The following IFT81 variants were observed in gnomAD, a reference collection of about 807,000 sequenced individuals.
The protein encoded by IFT81 is intraflagellar transport protein 81 homolog.
In IFT81, 72 loss-of-function variants were observed where a neutral mutation model predicts 102.6. That is an observed-to-expected ratio of 0.70 (90% confidence interval 0.58 to 0.85). The LOEUF (loss-of-function observed/expected upper bound fraction) is 0.85. IFT81 is among the 40% of genes least tolerant of loss of function. The pLI, the probability that IFT81 is intolerant of heterozygous loss-of-function variation, is 0.00. For missense variants in IFT81, 723 were observed against 787.3 expected, an observed-to-expected ratio of 0.92 and a Z score of 0.98; for synonymous variants, 237 against 242.7, an observed-to-expected ratio of 0.98 and a Z score of 0.22.
At chr12:110,191,942 G>A (rs967606195) in intron 13 of IFT81, among the ~76,000 whole-genome samples, 12 of 151,990 alleles carry the variant, frequency 7.9e-5, no homozygotes, top group Admixed American at 7.2e-4. Context: ...AGGCCGAGGC[G>A]GGAGGATCAC....
At chr12:110,135,147 G>C in intron 6 of IFT81, 134 bp downstream of exon 6, 1 of 772,354 alleles carries the variant, frequency 1.3e-6, no homozygotes, top group South Asian at 1.8e-5. Context: ...TGACGAAAAG[G>C]GAATCTCTCT....
intron 14 of IFT81, among the ~76,000 whole-genome samples, chr12:110,194,518 C>T (rs762072315): frequency 2.0e-5 from 3 of 152,012 alleles, no homozygotes; most frequent in Non-Finnish European, 4.4e-5. Flanking sequence ...AAGCAGTCCT[C>T]CCACCTCAGG....
chr12:110,159,373 T>C (rs1290439382), intron 10 of IFT81, among the ~76,000 whole-genome samples: 1 of 152,120 alleles, frequency 6.6e-6, no homozygotes, highest in Non-Finnish European at 1.5e-5. Flanking sequence ...GGTGGGCAGA[T>C]TGCTTGAGCC....
intron 18 of IFT81, 68 bp from the exon 19 acceptor site, chr12:110,217,976 C>T (rs977063797): frequency 9.5e-5 from 104 of 1,094,072 alleles, no homozygotes; most frequent in Middle Eastern, 7.9e-4. Flanking sequence ...CATATTCCTC[C>T]GACTATAGCA....
In IFT81 at chr12:110,129,143, T is replaced by C. The variant is rs769483755; in HGVS notation, c.429+13T>C. On this transcript the variant is annotated intron_variant, in intron 4 of 18. Transcript: ENST00000242591. Reference sequence around the variant, plus strand: ...CACCAATAAACAGGTAAACAATACATAAATGGTACATTGAAACTGTAATGG... The same window carrying C: ...CACCAATAAACAGGTAAACAATACACAAATGGTACATTGAAACTGTAATGG... The C allele has an allele frequency of 6.4e-7, 1 of 1,552,972 alleles. No homozygotes were observed.
intron 14 of IFT81, among the ~76,000 whole-genome samples, chr12:110,193,912 C>T (rs760203089): frequency 1.1e-4 from 17 of 152,114 alleles, no homozygotes; most frequent in Non-Finnish European, 5.9e-5. Context: ...TTAATTGGCT[C>T]ATGGTTCTAC....
intron 12 of IFT81, among the ~76,000 whole-genome samples, chr12:110,188,236 G>A (rs1897629778): frequency 6.6e-6 from 1 of 151,802 alleles, no homozygotes. Flanking sequence ...GGAGGCTGAG[G>A]CAGGAGAATG....
At chr12:110,168,703 A>G (rs1896573638) in intron 11 of IFT81, 1 of 152,300 alleles carries the variant, frequency 6.6e-6, no homozygotes, top group African/African-American at 2.4e-5. Flanking sequence ...ACAAAAGACT[A>G]GAGAAAGACA....
intron 14 of IFT81, 65 bp from the exon 15 acceptor site, chr12:110,203,799 G>A: frequency 9.4e-7 from 1 of 1,061,936 alleles, no homozygotes; most frequent in Admixed American, 1.7e-5. Flanking sequence ...GGCATGCATT[G>A]TTTCAGAGCC....
At chr12:110,162,809 G>A in intron 10 of IFT81, 110 bp from the exon 11 acceptor site, 1 of 902,602 alleles carries the variant, frequency 1.1e-6, no homozygotes, top group South Asian at 1.8e-5. Context: ...GAGAGGCCAA[G>A]CTGATATTGA....
intron 9 of IFT81, among the ~76,000 whole-genome samples, chr12:110,146,399 A>G (rs1277002338): frequency 2.6e-5 from 4 of 152,180 alleles, no homozygotes; most frequent in African/African-American, 9.7e-5. Flanking sequence ...CCTGGTGCAT[A>G]TTTGTTCACA....
At position 110,132,379 on chromosome 12, in the gene IFT81, G is replaced by C. The variant is rs572505452; in HGVS notation, c.430-168G>C. Among the ~76,000 whole-genome samples, 7 of 151,350 alleles carry C rather than the reference G, an allele frequency of 4.6e-5. No individual in the cohort carries two copies. In the East Asian group the frequency reaches 1.2e-3, roughly 25 times the overall value. On this transcript the variant is annotated intron_variant, in intron 4 of 18. Coordinates refer to ENST00000242591, the MANE Select transcript of IFT81 (RefSeq NM_014055.4). ...GGAGGCTGACGCAGGAGAATCGCTT[G>C]AATCTGGGAGGCGGAAGTTGTAGTG... is the stretch of plus-strand genomic sequence containing the variant.
At chr12:110,200,753 G>C in intron 14 of IFT81, among the ~76,000 whole-genome samples, 1 of 152,038 alleles carries the variant, frequency 6.6e-6, no homozygotes, top group East Asian at 1.9e-4. Flanking sequence ...TTCCAGACCA[G>C]CCTGGACAAC....
At chr12:110,173,369 G>A (rs1333615370) in intron 11 of IFT81, among the ~76,000 whole-genome samples, 1 of 150,002 alleles carries the variant, frequency 6.7e-6, no homozygotes, top group East Asian at 2.0e-4. Context: ...CCGGCCAGCC[G>A]CCTCGTCCGG....
intron 10 of IFT81, among the ~76,000 whole-genome samples, chr12:110,147,502 T>C (rs145847183): frequency 1.4e-3 from 219 of 152,374 alleles, no homozygotes; most frequent in African/African-American, 4.7e-3. Context: ...ACTTAGTTTT[T>C]GAGGGTACTT....
Position 110,163,056 on chromosome 12 carries a change from G to C in IFT81, c.1179G>C (p.Lys393Asn), listed in dbSNP as rs773264746. ...TREFDGTEVL[K>N]GDEFKRYVNK... ...AATTTGATGGTACTGAAGTTTTAAA[G>C]GGAGATGAGGTAAGCTGAGCCATCT... Residue 393 changes from lysine to asparagine, a missense_variant, in exon 11 of 19, where the codon AAG (lysine) becomes AAC (asparagine). Lys to Asn is a moderately conservative substitution (Grantham distance 94). Transcript: ENST00000242591. 6.2e-7 allele frequency: 1 copy of C among 1,613,548 alleles called. No individual in the cohort carries two copies. Among genetic ancestry groups the C allele is most frequent in the East Asian group, 2.2e-5 (1 of 44,880 alleles).
At chr12:110,201,973 A>C (rs1473236492) in intron 14 of IFT81, among the ~76,000 whole-genome samples, 1 of 152,214 alleles carries the variant, frequency 6.6e-6, no homozygotes, top group Non-Finnish European at 1.5e-5. Flanking sequence ...ATTTTTTATA[A>C]GTAAAAGCAG....
intron 15 of IFT81, chr12:110,204,415 C>A (rs994008521): frequency 1.9e-5 from 3 of 154,734 alleles, no homozygotes; most frequent in Non-Finnish European, 4.3e-5. Context: ...AAATTTTTGC[C>A]ACCCTTCATT....
intron 10 of IFT81, among the ~76,000 whole-genome samples, chr12:110,159,406 G>A (rs1896018222): frequency 6.6e-6 from 1 of 152,162 alleles, no homozygotes; most frequent in African/African-American, 2.4e-5. Context: ...GTTGCAGTGA[G>A]CCAAGATTGG....
Sources: allele counts gnomAD v4.1 joint callset (sites outside exome capture counted in the v4.1 genomes callset), GRCh38; gene constraint gnomAD v4.1.1; transcripts MANE v1.5; gene names NCBI Gene and HGNC (gene_info 2026-07-23, HGNC 2026-07-21).